The following GALNT1 variants were observed in gnomAD, a reference collection of about 807,000 sequenced individuals.
GALNT1 encodes the protein GalNAc transferase 1.
A neutral mutation model predicts 65.7 loss-of-function variants in GALNT1; 17 were observed. That is an observed-to-expected ratio of 0.26 (90% CI 0.18 to 0.39). The LOEUF (loss-of-function observed/expected upper bound fraction) is 0.39. GALNT1 is among the 10% of genes least tolerant of loss of function. GALNT1 has a pLI of 1.00. For missense variants in GALNT1, 460 were observed against 672.8 expected, an observed-to-expected ratio of 0.68 and a Z score of 3.50; for synonymous variants, 210 against 219.7, an observed-to-expected ratio of 0.96 and a Z score of 0.39.
intron 5 of GALNT1, among the ~76,000 whole-genome samples, chr18:35,685,673 ATTG>A (rs1357535175): frequency 6.6e-6 from 1 of 152,250 alleles, no homozygotes; most frequent in African/African-American, 2.4e-5. Context: ...AAGGAAAAGC[ATTG>A]TTGTCAATTG....
rs558090239 is a variant in GALNT1, at chr18:35,623,869, C to T, written c.-103-30691C>T. ...TATAGTCCTTGCCAACTGATTTCCA[C>T]GTCTGGGTCATCTTCTGTTCAGTAT... is the stretch of plus-strand genomic sequence containing the variant. On this transcript the variant is annotated intron_variant, in intron 1 of 11. Coordinates refer to ENST00000269195, the MANE Select transcript of GALNT1 (RefSeq NM_020474.4). 6.6e-5 allele frequency among the ~76,000 whole-genome samples: 10 copies of T among 152,312 alleles called. No homozygotes were observed. In the East Asian group the frequency reaches 7.7e-4, roughly 12 times the overall value.
intron 1 of GALNT1, among the ~76,000 whole-genome samples, chr18:35,644,007 C>T (rs941838386): frequency 6.6e-6 from 1 of 152,124 alleles, no homozygotes; most frequent in Non-Finnish European, 1.5e-5. Flanking sequence ...AGTTTGTCAT[C>T]TTAAAAACTG....
chr18:35,692,159 A>G, intron 8 of GALNT1, 22 bp from the exon 9 acceptor site: 2 of 1,587,674 alleles, frequency 1.3e-6, no homozygotes, highest in African/African-American at 1.4e-5. Flanking sequence ...AATAATTCAG[A>G]GTCAATTATT....
At chr18:35,671,677 TGA>T (rs1301461875) in intron 3 of GALNT1, among the ~76,000 whole-genome samples, 1 of 152,230 alleles carries the variant, frequency 6.6e-6, no homozygotes, top group Non-Finnish European at 1.5e-5. Context: ...CTTTTCTAAT[TGA>T]TACAGTTTCA....
chr18:35,658,681 A>G (rs1320393732), intron 2 of GALNT1, among the ~76,000 whole-genome samples: 3 of 151,094 alleles, frequency 2.0e-5, no homozygotes, highest in African/African-American at 7.3e-5. Context: ...TGGAATTAGC[A>G]TGTACATTAT....
chr18:35,648,077 A>G (rs897261507), intron 1 of GALNT1, among the ~76,000 whole-genome samples: 1 of 135,128 alleles, frequency 7.4e-6, no homozygotes, highest in African/African-American at 2.7e-5. Flanking sequence ...GAAGGGAGGA[A>G]GTGAGGAAGG....
At chr18:35,675,573 C>T (rs1175247359) in intron 3 of GALNT1, among the ~76,000 whole-genome samples, 3 of 152,186 alleles carry the variant, frequency 2.0e-5, no homozygotes, top group African/African-American at 4.8e-5. Flanking sequence ...TATCACTTCT[C>T]TTCTGCAGAA....
intron 2 of GALNT1, among the ~76,000 whole-genome samples, chr18:35,657,098 T>G (rs955741124): frequency 6.6e-6 from 1 of 151,820 alleles, no homozygotes; most frequent in African/African-American, 2.4e-5. Flanking sequence ...TTTTTCTTAT[T>G]TATTTATTCA....
At chr18:35,646,225 T>G (rs1422590213) in intron 1 of GALNT1, among the ~76,000 whole-genome samples, 1 of 152,116 alleles carries the variant, frequency 6.6e-6, no homozygotes, top group African/African-American at 2.4e-5. Flanking sequence ...TCCTAAGAAC[T>G]CACTCACTAT....
intron 2 of GALNT1, among the ~76,000 whole-genome samples, chr18:35,659,364 C>A (rs560786598): frequency 6.6e-6 from 1 of 152,260 alleles, no homozygotes; most frequent in Non-Finnish European, 1.5e-5. Flanking sequence ...AATAGTGAGT[C>A]TTTGGTGACT....
intron 2 of GALNT1, among the ~76,000 whole-genome samples, chr18:35,659,440 A>G (rs531727147): frequency 6.6e-6 from 1 of 152,316 alleles, no homozygotes; most frequent in East Asian, 1.9e-4. Flanking sequence ...ACCTGAGGCT[A>G]TCTGAAAATA....
chr18:35,699,471 T>G (rs2048119361), intron 9 of GALNT1, among the ~76,000 whole-genome samples: 1 of 152,180 alleles, frequency 6.6e-6, no homozygotes, highest in South Asian at 2.1e-4. Context: ...TCCAGGATAG[T>G]CAAGAGGTGA....
intron 11 of GALNT1, 123 bp downstream of exon 11, chr18:35,703,766 C>A: frequency 1.1e-6 from 1 of 872,928 alleles, no homozygotes; most frequent in Non-Finnish European, 1.7e-6. Context: ...GTCTTATACA[C>A]TAAATATTGA....
chr18:35,648,487 G>A (rs774735833), intron 1 of GALNT1, among the ~76,000 whole-genome samples: 17 of 152,116 alleles, frequency 1.1e-4, no homozygotes, highest in South Asian at 2.1e-4. Flanking sequence ...ATCATAAGTC[G>A]AGAAGCATCT....
intron 1 of GALNT1, among the ~76,000 whole-genome samples, chr18:35,615,682 C>T (rs1228310513): frequency 6.6e-6 from 1 of 152,172 alleles, no homozygotes; most frequent in Non-Finnish European, 1.5e-5. Flanking sequence ...ATCAGTAATG[C>T]ACACACCCAT....
intron 6 of GALNT1, among the ~76,000 whole-genome samples, chr18:35,688,857 G>A (rs2047910626): frequency 6.6e-6 from 1 of 152,118 alleles, no homozygotes; most frequent in Non-Finnish European, 1.5e-5. Context: ...AGGAGTTTGA[G>A]ATCTAAACTC....
At chr18:35,616,597 T>C (rs1267670142) in intron 1 of GALNT1, among the ~76,000 whole-genome samples, 1 of 152,194 alleles carries the variant, frequency 6.6e-6, no homozygotes, top group South Asian at 2.1e-4. Context: ...TCTTGAGTAA[T>C]GTTTGATTCC....
chr18:35,703,679 G>T, intron 11 of GALNT1, 36 bp downstream of exon 11: 1 of 1,602,006 alleles, frequency 6.2e-7, no homozygotes, highest in Non-Finnish European at 8.5e-7. Flanking sequence ...ATAAAATTAT[G>T]TGTGTCACTG....
At chr18:35,601,836 T>C (rs1364967449) in intron 1 of GALNT1, among the ~76,000 whole-genome samples, 3 of 152,234 alleles carry the variant, frequency 2.0e-5, no homozygotes, top group African/African-American at 7.2e-5. Context: ...GTCTTATGAC[T>C]TAACAGGTTG....
Sources: allele counts gnomAD v4.1 joint callset (sites outside exome capture counted in the v4.1 genomes callset), GRCh38; gene constraint gnomAD v4.1.1; transcripts MANE v1.5; gene names NCBI Gene and HGNC (gene_info 2026-07-23, HGNC 2026-07-21).